Variants in EMP2 observed in about 807,000 individuals in gnomAD.
EMP2 encodes epithelial membrane protein 2.
In EMP2, 19 loss-of-function variants were observed where a neutral mutation model predicts 13.7. The observed-to-expected ratio is 1.38, with a 90% confidence interval of 0.97 to 2.03. EMP2 has a LOEUF of 2.03. Ranked by LOEUF, EMP2 falls within the 30% of genes most tolerant of loss-of-function variation. The pLI is 0.00. For synonymous variants in EMP2, 97 were observed against 84.7 expected (o/e 1.15, Z -0.80); for missense variants, 253 against 220.7 (o/e 1.15, Z -0.93).
Position 10,532,777 on chromosome 16 carries a change from T to G in EMP2, c.*128A>C. ...TTTTTTCTTTTTTTTTTTTTTTTTT[T>G]TTTTTTTTTGGCTTTTAAAGGAAAC... On this transcript the variant is annotated 3_prime_UTR_variant, in exon 5 of 5. Transcript: ENST00000359543. 1 of 374,076 alleles carries G rather than the reference T, an allele frequency of 2.7e-6. No homozygotes were observed. Among genetic ancestry groups the G allele is most frequent in the South Asian group, 1.3e-4 (1 of 7,924 alleles). 23.2% of individuals were successfully genotyped at this position (374,076 alleles called of 1,614,324 possible). A position where few individuals can be genotyped will look rare whatever the true frequency, so the allele number is the denominator to read the frequency against.
intron 1 of EMP2, among the ~76,000 whole-genome samples, chr16:10,560,729 C>T (rs915210361): frequency 9.2e-5 from 14 of 152,134 alleles, no homozygotes; most frequent in African/African-American, 2.4e-4. Context: ...ATGGAAGAAG[C>T]GACACCTGAG....
intron 1 of EMP2, among the ~76,000 whole-genome samples, chr16:10,565,848 T>C (rs1243105518): frequency 6.6e-6 from 1 of 152,208 alleles, no homozygotes; most frequent in Non-Finnish European, 1.5e-5. Flanking sequence ...GAGGTGGCCA[T>C]GCTGGAAAGA....
chr16:10,539,516 G>A (rs902902781), intron 3 of EMP2, among the ~76,000 whole-genome samples: 2 of 152,140 alleles, frequency 1.3e-5, no homozygotes, highest in African/African-American at 2.4e-5. Flanking sequence ...TATAGTGACA[G>A]AAGTCAGAAG....
chr16:10,559,475 G>A (rs1421461146), intron 1 of EMP2, among the ~76,000 whole-genome samples: 2 of 152,222 alleles, frequency 1.3e-5, no homozygotes, highest in Non-Finnish European at 2.9e-5. Flanking sequence ...AGTGCCCCAG[G>A]GCAGAAGCCA....
At chr16:10,577,331 C>T (rs929563030) in intron 1 of EMP2, among the ~76,000 whole-genome samples, 1 of 152,162 alleles carries the variant, frequency 6.6e-6, no homozygotes, top group African/African-American at 2.4e-5. Flanking sequence ...TCATCACCAC[C>T]ACCAGCCTCT....
chr16:10,561,567 G>A (rs904021549), intron 1 of EMP2, among the ~76,000 whole-genome samples: 63 of 152,338 alleles, frequency 4.1e-4, no homozygotes, highest in African/African-American at 1.5e-3. Context: ...ATGGGACAAG[G>A]AGGGAGAATT....
chr16:10,573,353 C>T (rs528359443), intron 1 of EMP2, among the ~76,000 whole-genome samples: 36 of 152,294 alleles, frequency 2.4e-4, no homozygotes, highest in South Asian at 4.1e-4. Flanking sequence ...CACCTGGCCA[C>T]GGTTAACCCC....
intron 3 of EMP2, among the ~76,000 whole-genome samples, chr16:10,539,140 A>T (rs921356818): frequency 2.9e-4 from 44 of 152,156 alleles, no homozygotes; most frequent in African/African-American, 1.1e-3. Context: ...AGTCCTGTGT[A>T]AGAGCTGAAT....
At chr16:10,552,610 C>G (rs928660865) in intron 1 of EMP2, among the ~76,000 whole-genome samples, 12 of 152,312 alleles carry the variant, frequency 7.9e-5, no homozygotes, top group African/African-American at 2.6e-4. Flanking sequence ...TAGCATCATT[C>G]TGAGTTTATT....
intron 3 of EMP2, among the ~76,000 whole-genome samples, chr16:10,538,462 C>A (rs1484353139): frequency 6.6e-6 from 1 of 152,100 alleles, no homozygotes; most frequent in African/African-American, 2.4e-5. Flanking sequence ...TTGGGGGTCT[C>A]CATTTTAGAG....
chr16:10,530,957 GC>G lies in EMP2; in HGVS notation c.*1947del, dbSNP rs773126246. Reference sequence around the variant, plus strand: ...ACGCGTAAAGCAGCCTCCCTACCATGCCACAGGCCTCGATTTTGAATCGTTT... The same window carrying G: ...ACGCGTAAAGCAGCCTCCCTACCATGCACAGGCCTCGATTTTGAATCGTTT... On this transcript the variant is annotated 3_prime_UTR_variant, in exon 5 of 5. Transcript: ENST00000359543. The G allele has an allele frequency of 2.0e-5, 3 of 152,192 alleles. No homozygotes were observed. Among genetic ancestry groups the G allele is most frequent in the Admixed American group, 6.5e-5 (1 of 15,268 alleles). The allele number at this position is 152,192 out of a possible 1,614,324, so 9.4% of individuals were successfully genotyped here.
intron 1 of EMP2, among the ~76,000 whole-genome samples, chr16:10,553,361 A>T (rs2883429): frequency 6.6e-6 from 1 of 151,988 alleles, no homozygotes; most frequent in Non-Finnish European, 1.5e-5. Flanking sequence ...GTACCAGAGT[A>T]ACACTCTCTG....
chr16:10,551,389 A>T (rs939729815), intron 1 of EMP2, among the ~76,000 whole-genome samples: 2 of 152,128 alleles, frequency 1.3e-5, no homozygotes, highest in African/African-American at 4.8e-5. Flanking sequence ...GCATTCACTG[A>T]TATTTCTGAA....
intron 3 of EMP2, among the ~76,000 whole-genome samples, chr16:10,540,942 G>T (rs1424390677): frequency 6.6e-6 from 1 of 152,066 alleles, no homozygotes; most frequent in African/African-American, 2.4e-5. Context: ...ACAAAAATTA[G>T]CCAGGTGTGG....
At chr16:10,549,729 T>TCA (rs71402494) in intron 1 of EMP2, among the ~76,000 whole-genome samples, 18,626 of 149,100 alleles carry the variant, frequency 0.12, 1,858 homozygotes, top group African/African-American at 0.28. Context: ...ACACACACAC[T>TCA]CACACACACA....
At chr16:10,551,232 G>A (rs1021178517) in intron 1 of EMP2, among the ~76,000 whole-genome samples, 2 of 152,008 alleles carry the variant, frequency 1.3e-5, no homozygotes, top group African/African-American at 2.4e-5. Flanking sequence ...CATATCGTTG[G>A]AATCATACAA....
intron 1 of EMP2, among the ~76,000 whole-genome samples, chr16:10,562,227 T>C (rs2050876170): frequency 6.6e-6 from 1 of 152,180 alleles, no homozygotes; most frequent in African/African-American, 2.4e-5. Context: ...AATCTATTTC[T>C]CCACCTGCTG....
intron 3 of EMP2, among the ~76,000 whole-genome samples, chr16:10,541,699 G>A (rs1350433216): frequency 6.6e-6 from 1 of 152,116 alleles, no homozygotes; most frequent in Admixed American, 6.5e-5. Context: ...GAGATGGAAG[G>A]GAGCACCGAT....
chr16:10,572,728 C>T (rs2050956749), intron 1 of EMP2, among the ~76,000 whole-genome samples: 1 of 152,186 alleles, frequency 6.6e-6, no homozygotes, highest in African/African-American at 2.4e-5. Context: ...CATGTCTGTA[C>T]ACAGCCCACC....
Sources: gnomAD v4.1 joint callset for allele counts (sites outside exome capture counted in the v4.1 genomes callset) on GRCh38, gnomAD v4.1.1 for gene constraint, MANE v1.5 for transcripts, NCBI Gene and HGNC (gene_info 2026-07-23, HGNC 2026-07-21) for gene names.